ROR1: variants seen among roughly 807,000 people sequenced by gnomAD.
The protein encoded by ROR1 is ROR family WNT receptor 1, also known as inactive tyrosine-protein kinase transmembrane receptor ROR1.
In ROR1, 19 loss-of-function variants were observed where a neutral mutation model predicts 78.8. The observed-to-expected ratio is 0.24, with a 90% CI of 0.17 to 0.35. The LOEUF is 0.35. ROR1 is among the 10% of genes least tolerant of loss of function. ROR1 has a pLI of 1.00. For missense variants in ROR1, 917 were observed against 1,177.8 expected (o/e 0.78, Z 3.24); for synonymous variants, 386 against 433.6 (o/e 0.89, Z 1.36).
intron 4 of ROR1, among the ~76,000 whole-genome samples, chr1:64,073,031 G>A (rs562041492): frequency 1.3e-5 from 2 of 152,286 alleles, no homozygotes; most frequent in South Asian, 4.1e-4. Context: ...GAGAGCCTTT[G>A]GTATTCATGG....
chr1:64,165,123 A>G (rs1257406193), intron 8 of ROR1, among the ~76,000 whole-genome samples: 3 of 152,186 alleles, frequency 2.0e-5, no homozygotes, highest in Admixed American at 2.0e-4. Flanking sequence ...TATACCCAGG[A>G]TTTAAATTGC....
intron 1 of ROR1, among the ~76,000 whole-genome samples, chr1:63,922,541 A>G (rs893212111): frequency 5.3e-5 from 8 of 152,186 alleles, no homozygotes; most frequent in Admixed American, 1.3e-4. Flanking sequence ...TCTTTGCAAC[A>G]GAATTGGAGA....
chr1:63,795,988 G>C (rs542135491), intron 1 of ROR1, among the ~76,000 whole-genome samples: 1 of 152,292 alleles, frequency 6.6e-6, no homozygotes, highest in African/African-American at 2.4e-5. Context: ...ACCCCCATCA[G>C]ACTAATCTGT....
intron 1 of ROR1, among the ~76,000 whole-genome samples, chr1:63,919,633 GT>G (rs1433351286): frequency 3.3e-5 from 5 of 152,018 alleles, no homozygotes; most frequent in Non-Finnish European, 5.9e-5. Context: ...CGAGATATTG[GT>G]TTCCATTGGC....
At chr1:63,839,629 C>A (rs1293655482) in intron 1 of ROR1, among the ~76,000 whole-genome samples, 1 of 151,884 alleles carries the variant, frequency 6.6e-6, no homozygotes, top group East Asian at 1.9e-4. Flanking sequence ...ATTATAAACA[C>A]ACAAAAAATC....
At chr1:63,849,021 G>C (rs1030275577) in intron 1 of ROR1, among the ~76,000 whole-genome samples, 8 of 152,144 alleles carry the variant, frequency 5.3e-5, no homozygotes, top group African/African-American at 1.9e-4. Flanking sequence ...TTATGGCAAT[G>C]AATTCCTGGT....
At chr1:63,862,391 CAAA>C (rs1164915396) in intron 1 of ROR1, among the ~76,000 whole-genome samples, 3 of 56,816 alleles carry the variant, frequency 5.3e-5, no homozygotes, top group Non-Finnish European at 7.2e-5. Flanking sequence ...GAGACTGTCT[CAAA>C]AAAAAAAAAA....
chr1:63,876,447 C>A (rs1569851213), intron 1 of ROR1, among the ~76,000 whole-genome samples: 1 of 152,094 alleles, frequency 6.6e-6, no homozygotes, highest in East Asian at 1.9e-4. Context: ...CCAACCACCT[C>A]CATCCAACTA....
intron 8 of ROR1, among the ~76,000 whole-genome samples, chr1:64,175,361 G>A (rs928139875): frequency 4.6e-5 from 7 of 152,040 alleles, no homozygotes; most frequent in South Asian, 4.1e-4. Flanking sequence ...CATACGAAAC[G>A]TCCTCATTCT....
intron 4 of ROR1, among the ~76,000 whole-genome samples, chr1:64,107,934 C>T (rs1422148346): frequency 1.3e-5 from 2 of 151,948 alleles, no homozygotes; most frequent in African/African-American, 4.8e-5. Context: ...GAGTTTGGCT[C>T]TGCATTAAAT....
intron 4 of ROR1, among the ~76,000 whole-genome samples, chr1:64,083,399 C>A (rs1647119930): frequency 6.6e-6 from 1 of 152,046 alleles, no homozygotes; most frequent in East Asian, 1.9e-4. Flanking sequence ...GCCAAGTTTA[C>A]AGGAATGAAA....
chr1:64,140,322 T>C lies in ROR1; in HGVS notation c.824T>C (p.Met275Thr), dbSNP rs866002946. ...IFARSNPMIL[M>T]RLKLPNCEDL... ...GCAAGATCAAATCCCATGATTCTGA[T>C]GAGGCTGAAACTGCCAAACTGTGAA... Residue 275 changes from methionine to threonine, a missense_variant, in exon 6 of 9, where the codon ATG becomes ACG. Physicochemically the swap from Met to Thr is moderately conservative, Grantham distance 81 (BLOSUM62 -1). Around this residue, in one of 3 missense-constraint regions of ROR1, gnomAD observed 835 missense variants for 1,069.8 expected, o/e 0.78. Coordinates refer to ENST00000371079, the MANE Select transcript of ROR1 (RefSeq NM_005012.4). 1.2e-6 allele frequency: 2 copies of C among 1,614,028 alleles called. No homozygotes were observed. Among genetic ancestry groups the C allele is most frequent in the African/African-American group, 1.3e-5 (1 of 74,922 alleles).
At chr1:63,936,358 A>G (rs1344655264) in intron 1 of ROR1, among the ~76,000 whole-genome samples, 1 of 152,144 alleles carries the variant, frequency 6.6e-6, no homozygotes, top group African/African-American at 2.4e-5. Flanking sequence ...TGCTTTCTGA[A>G]GTCTCTCCTC....
intron 1 of ROR1, among the ~76,000 whole-genome samples, chr1:63,859,327 G>A (rs1432157548): frequency 6.6e-6 from 1 of 152,158 alleles, no homozygotes; most frequent in East Asian, 1.9e-4. Context: ...GGACACTTTT[G>A]TGATGCTTTT....
chr1:63,944,768 C>A (rs1645870833), intron 1 of ROR1, among the ~76,000 whole-genome samples: 1 of 152,124 alleles, frequency 6.6e-6, no homozygotes, highest in African/African-American at 2.4e-5. Context: ...TGGCTTCTCA[C>A]CCAGCTCTGA....
chr1:64,048,750 A>G (rs2100589916), intron 2 of ROR1, among the ~76,000 whole-genome samples: 1 of 152,312 alleles, frequency 6.6e-6, no homozygotes, highest in East Asian at 1.9e-4. Flanking sequence ...AGTGCAATAA[A>G]TCTTAAGAGG....
chr1:63,803,593 C>T (rs1228856655), intron 1 of ROR1, among the ~76,000 whole-genome samples: 2 of 152,210 alleles, frequency 1.3e-5, no homozygotes, highest in African/African-American at 4.8e-5. Context: ...ATCTACCCGC[C>T]TTGGCCTCCC....
rs189680512 is a variant in ROR1 at position 64,053,512 on chromosome 1, A to G, written c.482+2796A>G. ...CTTCTGTCATTGCTGGGTCCTGGCT[A>G]CCCCTAACACTTATAGGACCTGGGG... On this transcript the variant is annotated intron_variant, in intron 4 of 8. Transcript: ENST00000371079. Among the ~76,000 whole-genome samples, 1,162 of 152,282 alleles carry G rather than the reference A, an allele frequency of 7.6e-3. 13 individuals carry two copies. The highest frequency in any genetic ancestry group is 0.011 in the Non-Finnish European group (758 of 68,020).
At position 63,853,280 on chromosome 1, in the gene ROR1, C is replaced by T. The variant is rs565844037; in HGVS notation, c.91+78772C>T. ...AGTTCATTCTCAAAACTTGAGAACA[C>T]ACTACATATACCCTAGTAAGTACTA... is the stretch of plus-strand genomic sequence containing the variant. On this transcript the variant is annotated intron_variant, in intron 1 of 8. Coordinates refer to ENST00000371079, the MANE Select transcript of ROR1 (RefSeq NM_005012.4). 1.3e-5 allele frequency among the ~76,000 whole-genome samples: 2 copies of T among 152,284 alleles called. 1 individual carries two copies. The highest frequency in any genetic ancestry group is 4.8e-5 in the African/African-American group (2 of 41,556).
Sources: allele counts gnomAD v4.1 joint callset (sites outside exome capture counted in the v4.1 genomes callset), GRCh38; gene constraint gnomAD v4.1.1; regional missense constraint gnomAD v4.1.1; transcripts MANE v1.5; gene names NCBI Gene and HGNC (gene_info 2026-07-23, HGNC 2026-07-21).